PROSER1: variants seen among roughly 807,000 people sequenced by gnomAD.
PROSER1 encodes proline and serine-rich protein 1.
PROSER1 carries 36 observed loss-of-function variants against 71.8 expected under a neutral mutation model. That is an observed-to-expected ratio of 0.50 (90% CI 0.38 to 0.66). The LOEUF is 0.66. Ranked by LOEUF, PROSER1 falls within the 30% of genes least tolerant of loss-of-function variation. The probability of loss-of-function intolerance (pLI) is 0.00; values close to 1 mark genes in which losing one functional copy is unlikely to be tolerated. For synonymous variants in PROSER1, 490 were observed against 452.4 expected, an observed-to-expected ratio of 1.08 and a Z score of -1.06; for missense variants, 1,107 against 1,135.0, an observed-to-expected ratio of 0.98 and a Z score of 0.35.
chr13:39,034,010 C>T (rs1044549773), intron 2 of PROSER1, 121 bp downstream of exon 2: 17 of 633,410 alleles, frequency 2.7e-5, no homozygotes, highest in Admixed American at 1.9e-4. Context: ...GAGAGCTTCT[C>T]GAGTTCTTGA....
intron 10 of PROSER1, among the ~76,000 whole-genome samples, chr13:39,016,876 G>A (rs920335112): frequency 6.6e-6 from 1 of 152,104 alleles, no homozygotes; most frequent in East Asian, 1.9e-4. Flanking sequence ...TCAGGCTATT[G>A]TGCTACTTTG....
rs1869888876 is a variant in PROSER1, at chr13:39,014,292, G to C, written c.960C>G (p.Val320=). The C allele has an allele frequency of 2.5e-6, 4 of 1,614,014 alleles. No individual in the cohort carries two copies. Among genetic ancestry groups the C allele is most frequent in the Non-Finnish European group, 1.7e-6 (2 of 1,180,032 alleles). ...NTVLPVFPGQ[V]SSAVHTPQPS... is the part of the protein sequence containing the mutation. ...GCTGAGGTGTGTGAACGGCTGAGGA[G>C]ACCTGCCCTGGGAACACAGGAAGGA... The change falls in exon 11 of 13, where the codon GTC becomes GTG. Residue 320 remains valine, a synonymous_variant. Transcript: ENST00000352251.
At chr13:39,021,321 A>T (rs1433344451) in intron 9 of PROSER1, among the ~76,000 whole-genome samples, 1 of 152,218 alleles carries the variant, frequency 6.6e-6, no homozygotes, top group African/African-American at 2.4e-5. Context: ...TCCTTTGCTG[A>T]GTCAGAAAGG....
chr13:39,023,280 T>A (rs531365067), intron 7 of PROSER1, 150 bp from the exon 8 acceptor site: 5 of 556,236 alleles, frequency 9.0e-6, no homozygotes, highest in Admixed American at 8.9e-5. Flanking sequence ...ATGAGGGAAA[T>A]TTCTTTGCTT....
At position 39,037,524 on chromosome 13, in the gene PROSER1, C is replaced by G. The variant is rs2138144262; in HGVS notation, c.-282G>C. The G allele has an allele frequency of 6.1e-6, 2 of 330,462 alleles. No homozygotes were observed. Among genetic ancestry groups the G allele is most frequent in the East Asian group, 5.4e-5 (1 of 18,470 alleles). 20.5% of individuals were successfully genotyped at this position (330,462 alleles called of 1,614,324 possible). A position where few individuals can be genotyped will look rare whatever the true frequency, so the allele number is the denominator to read the frequency against. Reference sequence around the variant, plus strand: ...GGTTCAGGGCACCTCGGGCAAGAGCCAGGTCCTCTGAGTTTTGCAGAAAAA... The same window carrying G: ...GGTTCAGGGCACCTCGGGCAAGAGCGAGGTCCTCTGAGTTTTGCAGAAAAA... On this transcript the variant is annotated 5_prime_UTR_variant, in exon 1 of 13. Transcript: ENST00000352251.
chr13:39,013,863 A>G lies in PROSER1; in HGVS notation c.1389T>C (p.Gly463=). The G allele has an allele frequency of 3.7e-6, 6 of 1,614,232 alleles. No individual in the cohort carries two copies. The highest frequency in any genetic ancestry group is 4.2e-6 in the Non-Finnish European group (5 of 1,180,040). ...GSTPSVAGPL[G]VNSPLLSALK... is the part of the protein sequence containing the mutation. Reference sequence around the variant, plus strand: ...ACGCAGACAAAAGAGGACTGTTCACACCAAGTGGACCGGCAACGCTGGGAG... The same window carrying G: ...ACGCAGACAAAAGAGGACTGTTCACGCCAAGTGGACCGGCAACGCTGGGAG... Residue 463 remains glycine (G), a synonymous_variant, in exon 11 of 13, where the codon GGT becomes GGC. Transcript: ENST00000352251.
chr13:39,028,173 T>G (rs1197548774), intron 5 of PROSER1, 54 bp downstream of exon 5: 1 of 964,910 alleles, frequency 1.0e-6, no homozygotes, highest in Non-Finnish European at 1.7e-6. Context: ...TTTTTCGTCT[T>G]CAATATTCGG....
intron 2 of PROSER1, among the ~76,000 whole-genome samples, chr13:39,032,460 C>T (rs1426456734): frequency 6.6e-6 from 1 of 152,088 alleles, no homozygotes; most frequent in Non-Finnish European, 1.5e-5. Flanking sequence ...TCCAAAGATG[C>T]TCCAAAAGGG....
intron 2 of PROSER1, among the ~76,000 whole-genome samples, chr13:39,033,414 C>G (rs1442024052): frequency 1.3e-5 from 2 of 152,146 alleles, no homozygotes; most frequent in Non-Finnish European, 2.9e-5. Flanking sequence ...AAAGCTGGAC[C>G]ATTTACTAAC....
chr13:39,012,452 A>G, intron 11 of PROSER1: 1 of 649,496 alleles, frequency 1.5e-6, no homozygotes, highest in South Asian at 2.1e-5. Context: ...TTTGCATATA[A>G]TCCTTTCTGC....
chr13:39,013,755 T>G lies in PROSER1; in HGVS notation c.1497A>C (p.Ser499=). The change falls in exon 11 of 13, where the codon TCA becomes TCC. Residue 499 remains serine (S), a synonymous_variant. Transcript: ENST00000352251. ...LSSAVTSGLA[S]LSSLTLQNSD... The stretch of plus-strand genomic sequence containing the variant: ...AGTTCTGAAGAGTAAGAGAAGATAG[T>G]GAAGCCAGCCCACTTGTGACAGCAG... The G allele has an allele frequency of 6.2e-7, 1 of 1,614,170 alleles. No individual in the cohort carries two copies. Among genetic ancestry groups the G allele is most frequent in the Non-Finnish European group, 8.5e-7 (1 of 1,180,022 alleles).
At position 39,037,248 on chromosome 13, in the gene PROSER1, C is replaced by G. The variant is rs371491434; in HGVS notation, c.-6G>C. 3.4e-5 allele frequency: 55 copies of G among 1,607,852 alleles called. No homozygotes were observed. The highest frequency in any genetic ancestry group is 4.6e-5 in the Non-Finnish European group (54 of 1,174,422). Reference sequence around the variant, plus strand: ...TCAAAGGACTTTTTATCCATCTTGACTACTATCCCGACGTGGTTTTAACAG... The same window carrying G: ...TCAAAGGACTTTTTATCCATCTTGAGTACTATCCCGACGTGGTTTTAACAG... On this transcript the variant is annotated 5_prime_UTR_variant, in exon 1 of 13. Coordinates refer to ENST00000352251, the MANE Select transcript of PROSER1 (RefSeq NM_025138.5).
intron 5 of PROSER1, among the ~76,000 whole-genome samples, chr13:39,027,000 T>C (rs928689072): frequency 9.2e-5 from 14 of 152,178 alleles, no homozygotes; most frequent in African/African-American, 3.1e-4. Context: ...TGGTGCTCAA[T>C]ACATATTAAT....
rs1869781929 is a variant in PROSER1 at position 39,013,286 on chromosome 13, G to A, written c.1966C>T (p.Leu656Phe). The A allele has an allele frequency of 1.2e-6, 2 of 1,614,052 alleles. No individual in the cohort carries two copies. Among genetic ancestry groups the A allele is most frequent in the South Asian group, 1.1e-5 (1 of 91,082 alleles). ...TSVPISLSAC[L>F]NPALSGLSSL... ...GAGAGACCTGACAATGCAGGATTAA[G>A]GCAAGCAGATAAACTGATGGGCACG... Residue 656 changes from leucine (L) to phenylalanine (F), a missense_variant, in exon 11 of 13, where the codon CTT becomes TTT. Coordinates refer to ENST00000352251, the MANE Select transcript of PROSER1 (RefSeq NM_025138.5).
rs543699341 is a variant in PROSER1 at position 39,024,476 on chromosome 13, T to C, written c.561A>G (p.Lys187=). ...TTTCATCATTTTCTAAACATACTGG[T>C]TTGGATGGCCCAAGAATTCGTGCAG... is the stretch of plus-strand genomic sequence containing the variant. ...GIAARILGPS[K]PPPSTYNPHK... is the part of the protein sequence containing the mutation. Residue 187 remains lysine (K), a synonymous_variant, in exon 7 of 13, where the codon AAA becomes AAG. Coordinates refer to ENST00000352251, the MANE Select transcript of PROSER1 (RefSeq NM_025138.5). 97 of 1,608,128 alleles carry C rather than the reference T, an allele frequency of 6.0e-5. 1 individual carries two copies. In the South Asian group the frequency reaches 1.0e-3, roughly 17 times the overall value.
chr13:39,028,323 A>T lies in PROSER1; in HGVS notation c.276-3T>A. The T allele has an allele frequency of 6.5e-7, 1 of 1,543,080 alleles. No individual in the cohort carries two copies. ...AATTCTGTGCATCAATAATGTTCCT[A>T]CCAAGAAAACACAATTTAGCTTTTT... On this transcript the variant is annotated splice_polypyrimidine_tract_variant and splice_region_variant and intron_variant, in intron 4 of 12. Coordinates refer to ENST00000352251, the MANE Select transcript of PROSER1 (RefSeq NM_025138.5).
At chr13:39,023,173 T>A in intron 7 of PROSER1, 43 bp from the exon 8 acceptor site, 1 of 1,459,620 alleles carries the variant, frequency 6.9e-7, no homozygotes, top group Non-Finnish European at 9.6e-7. Context: ...GAAAATCAAG[T>A]AAGCTGTCTC....
intron 6 of PROSER1, among the ~76,000 whole-genome samples, chr13:39,024,888 C>T (rs535129806): frequency 2.0e-5 from 3 of 152,122 alleles, no homozygotes; most frequent in Non-Finnish European, 2.9e-5. Context: ...GCTCAAGTCT[C>T]TTATATAAAA....
At chr13:39,028,110 C>T (rs1870629401) in intron 5 of PROSER1, 117 bp downstream of exon 5, 1 of 583,810 alleles carries the variant, frequency 1.7e-6, no homozygotes, top group African/African-American at 1.9e-5. Context: ...ATTTTTAACC[C>T]ATTGTACAAC....
Sources: allele counts gnomAD v4.1 joint callset (sites outside exome capture counted in the v4.1 genomes callset), GRCh38; gene constraint gnomAD v4.1.1; transcripts MANE v1.5; gene names NCBI Gene and HGNC (gene_info 2026-07-23, HGNC 2026-07-21).